Variants in PCDHGA2 observed in about 807,000 individuals in gnomAD.
PCDHGA2 encodes the protein protocadherin gamma-A2.
PCDHGA2 carries 40 observed loss-of-function variants against 59.2 expected under a neutral mutation model. That is an observed-to-expected ratio of 0.68 (90% CI 0.52 to 0.88). The LOEUF (loss-of-function observed/expected upper bound fraction) is 0.88. PCDHGA2 is among the 40% of genes least tolerant of loss of function. The pLI, the probability that PCDHGA2 is intolerant of heterozygous loss-of-function variation, is 0.00. For missense variants in PCDHGA2, 1,226 were observed against 1,204.0 expected (o/e 1.02, Z -0.27); for synonymous variants, 560 against 526.0 (o/e 1.06, Z -0.89).
chr5:141,426,848 C>T (rs1379697529), intron 1 of PCDHGA2: 3 of 456,552 alleles, frequency 6.6e-6, no homozygotes, highest in Admixed American at 4.7e-5. Context: ...AAGGCAAGAA[C>T]GCTCCAGAAT....
chr5:141,370,114 A>G (rs768527026), intron 1 of PCDHGA2: 72 of 376,222 alleles, frequency 1.9e-4, no homozygotes, highest in Non-Finnish European at 2.7e-4. Flanking sequence ...TCTCCTAACT[A>G]GCTCCTTATT....
rs571984924 is a variant in PCDHGA2 at position 141,383,845 on chromosome 5, G to T, written c.2424+42450G>T. ...AGATTATGAAGAAACTGCCTTCTAT[G>T]AAATGGAGGTTCAGGCTCAAGATGG... On this transcript the variant is annotated intron_variant, in intron 1 of 3. Coordinates refer to ENST00000394576, the MANE Select transcript of PCDHGA2 (RefSeq NM_018915.4). The T allele has an allele frequency of 1.6e-4, 259 of 1,613,938 alleles. 1 individual carries two copies. The South Asian group carries it at 2.6e-3, about 16-fold the overall frequency.
chr5:141,443,733 C>T (rs7723254), intron 1 of PCDHGA2, among the ~76,000 whole-genome samples: 16,856 of 152,062 alleles, frequency 0.11, 1,109 homozygotes, highest in African/African-American at 0.17. Context: ...TCATACATTT[C>T]CCTATCAGTG....
rs145569377 is a variant in PCDHGA2 at position 141,455,860 on chromosome 5, ATTATTTATTTATTTATTTATTTATTTAT to A, written c.2425-38920_2425-38893del. Among the ~76,000 whole-genome samples the A allele has an allele frequency of 5.0e-5, 7 of 139,848 alleles. No individual in the cohort carries two copies. The South Asian group carries it at 9.2e-4, about 18-fold the overall frequency. 91.7% of individuals were successfully genotyped at this position (139,848 alleles called of 152,430 possible). On this transcript the variant is annotated intron_variant, in intron 1 of 3. Transcript: ENST00000394576. ...CTATCTGCATAAAATAATTTCTTTT[ATTATTTATTTATTTATTTATTTATTTAT>A]TTATTTATTTATTTATTTATTTATT...
intron 1 of PCDHGA2, among the ~76,000 whole-genome samples, chr5:141,354,580 G>A (rs572797488): frequency 3.9e-4 from 60 of 152,314 alleles, no homozygotes; most frequent in Non-Finnish European, 8.2e-4. Flanking sequence ...TGCATAAATT[G>A]GGACTAAAGC....
At chr5:141,427,304 C>G in intron 1 of PCDHGA2, 1 of 456,910 alleles carries the variant, frequency 2.2e-6, no homozygotes. Flanking sequence ...ATGAGAATGA[C>G]AATGCCCCAG....
chr5:141,341,269 C>T lies in PCDHGA2; in HGVS notation c.2298C>T (p.Ser766=), dbSNP rs779303311. Residue 766 remains serine, a synonymous_variant, in exon 1 of 4, where the codon AGC becomes AGT. Coordinates refer to ENST00000394576, the MANE Select transcript of PCDHGA2 (RefSeq NM_018915.4). ...EVSLTADSRK[S]HLIFPQPNYA... ...CCCTCACTGCGGACTCGCGGAAGAG[C>T]CACCTGATTTTCCCCCAGCCCAACT... 2.1e-5 allele frequency: 34 copies of T among 1,614,098 alleles called. No individual in the cohort carries two copies. The highest frequency in any genetic ancestry group is 2.9e-5 in the Non-Finnish European group (34 of 1,180,042).
intron 2 of PCDHGA2, among the ~76,000 whole-genome samples, chr5:141,497,539 C>A (rs2099777336): frequency 6.9e-6 from 1 of 145,274 alleles, no homozygotes; most frequent in African/African-American, 2.6e-5. Context: ...ATGCAACAAA[C>A]CTTTTTTTTT....
intron 1 of PCDHGA2, chr5:141,400,071 GC>G: frequency 6.2e-7 from 1 of 1,613,942 alleles, no homozygotes; most frequent in Non-Finnish European, 8.5e-7. Flanking sequence ...GTGGACAGCC[GC>G]CACTCTCCGC....
chr5:141,385,101 C>A (rs1373310406), intron 1 of PCDHGA2: 2 of 1,614,194 alleles, frequency 1.2e-6, no homozygotes, highest in East Asian at 2.2e-5. Flanking sequence ...GCTTGGCGAA[C>A]GTGCCCACCT....
intron 1 of PCDHGA2, chr5:141,343,376 A>G: frequency 1.0e-6 from 1 of 982,238 alleles, no homozygotes; most frequent in Non-Finnish European, 1.2e-6. Context: ...AGAGAGGGAA[A>G]GGTCAAAGAG....
chr5:141,487,968 T>C lies in PCDHGA2; in HGVS notation c.2425-6839T>C, dbSNP rs2099670029. Among the ~76,000 whole-genome samples the C allele has an allele frequency of 6.6e-6, 1 of 152,236 alleles. No individual in the cohort carries two copies. The highest frequency in any genetic ancestry group is 1.5e-5 in the Non-Finnish European group (1 of 68,050). On this transcript the variant is annotated intron_variant, in intron 1 of 3. Transcript: ENST00000394576. This position sits in a 1 kb window ranked among gnomAD's most constrained non-coding sequence, Gnocchi z 5.0. The stretch of plus-strand genomic sequence containing the variant: ...AGGCAGTCACTTGGACAAAGGTGGC[T>C]GTTTTCTCTACTCTTCCTGAAAGAG...
chr5:141,383,159 C>A (rs769758778), intron 1 of PCDHGA2: 8 of 1,614,104 alleles, frequency 5.0e-6, no homozygotes, highest in Non-Finnish European at 5.9e-6. Context: ...TTGGTCACTG[C>A]GGGCAGGATA....
intron 1 of PCDHGA2, chr5:141,376,564 A>T: frequency 1.2e-6 from 2 of 1,607,478 alleles, no homozygotes; most frequent in East Asian, 4.5e-5. Flanking sequence ...CAACCCAACT[A>T]ATCAGACAGG....
At chr5:141,445,046 G>A (rs181806844) in intron 1 of PCDHGA2, among the ~76,000 whole-genome samples, 1 of 152,248 alleles carries the variant, frequency 6.6e-6, no homozygotes, top group East Asian at 1.9e-4. Context: ...AGTTTTCAGT[G>A]TAGAGAGGTC....
intron 1 of PCDHGA2, chr5:141,383,555 A>G: frequency 6.2e-7 from 1 of 1,611,868 alleles, no homozygotes; most frequent in East Asian, 2.2e-5. Context: ...GATGGCGGCG[A>G]CCCGCCCCGA....
Position 141,375,441 on chromosome 5 carries a change from C to T in PCDHGA2, c.2424+34046C>T, listed in dbSNP as rs904228732. 4.3e-6 allele frequency: 7 copies of T among 1,613,912 alleles called. No individual in the cohort carries two copies. The highest frequency in any genetic ancestry group is 1.7e-5 in the Admixed American group (1 of 60,012). ...ACCAACGACAACCCGCCCACCTTCC[C>T]CCATTCATCCTACTCAGTCTATGTC... is the stretch of plus-strand genomic sequence containing the variant. On this transcript the variant is annotated intron_variant, in intron 1 of 3. Transcript: ENST00000394576.
chr5:141,485,663 A>G lies in PCDHGA2; in HGVS notation c.2425-9144A>G, dbSNP rs1594506698. ...AAAGGCTCAGGATGCAGATGTGGGG[A>G]GCAATTCGATTAGCAGCTATAGGCT... On this transcript the variant is annotated intron_variant, in intron 1 of 3. Transcript: ENST00000394576. The surrounding 1 kb of genome is among the most constrained non-coding windows in gnomAD (Gnocchi z 5.7). The G allele has an allele frequency of 1.2e-6, 2 of 1,612,638 alleles. No homozygotes were observed. Among genetic ancestry groups the G allele is most frequent in the East Asian group, 4.5e-5 (2 of 44,840 alleles).
At chr5:141,412,814 C>CAT (rs1339609844) in intron 1 of PCDHGA2, among the ~76,000 whole-genome samples, 1 of 152,180 alleles carries the variant, frequency 6.6e-6, no homozygotes, top group Non-Finnish European at 1.5e-5. Context: ...AAGAAACCTA[C>CAT]ATATAGTAAA....
Sources: allele counts gnomAD v4.1 joint callset (sites outside exome capture counted in the v4.1 genomes callset), GRCh38; gene constraint gnomAD v4.1.1; non-coding constraint Gnocchi (gnomAD v3.1); transcripts MANE v1.5; gene names NCBI Gene and HGNC (gene_info 2026-07-23, HGNC 2026-07-21).